The following PAX5 variants were observed in gnomAD, a reference collection of about 807,000 sequenced individuals.
The protein encoded by PAX5 is paired box 5.
In PAX5, 9 loss-of-function variants were observed where a neutral mutation model predicts 43.7. The observed-to-expected ratio is 0.21, with a 90% confidence interval of 0.12 to 0.36. PAX5 has a LOEUF of 0.36. Among genes scored for constraint, PAX5 ranks in the 10% least tolerant of loss-of-function variants. The pLI is 1.00. For missense variants in PAX5, 383 were observed against 532.7 expected, an observed-to-expected ratio of 0.72 and a Z score of 2.77; for synonymous variants, 228 against 214.3, an observed-to-expected ratio of 1.06 and a Z score of -0.56.
rs1016300110 is a variant in PAX5, at chr9:36,875,545, G to C, written c.1012+6459C>G. 3.3e-5 allele frequency among the ~76,000 whole-genome samples: 5 copies of C among 151,582 alleles called. No homozygotes were observed. The East Asian group carries it at 7.7e-4, about 23-fold the overall frequency. ...AGGGTATGTGGCAGGCAGAATTGTG[G>C]CCCCCCCCAAAAATGTCCATATCAT... is the stretch of plus-strand genomic sequence containing the variant. On this transcript the variant is annotated intron_variant, in intron 8 of 9. Transcript: ENST00000358127.
At chr9:36,924,665 A>T in intron 6 of PAX5, among the ~76,000 whole-genome samples, 1 of 149,996 alleles carries the variant, frequency 6.7e-6, no homozygotes, top group Admixed American at 6.7e-5. Flanking sequence ...GGCTGCAGTG[A>T]GCCATGATCA....
At chr9:37,025,426 G>A (rs1456894297) in intron 1 of PAX5, among the ~76,000 whole-genome samples, 1 of 152,114 alleles carries the variant, frequency 6.6e-6, no homozygotes, top group African/African-American at 2.4e-5. Flanking sequence ...TTGGGATGGG[G>A]GGGAGCGGGG....
chr9:36,923,363 A>G lies in PAX5; in HGVS notation c.902T>C (p.Ile301Thr), dbSNP rs372989600. 8.1e-5 allele frequency: 130 copies of G among 1,610,724 alleles called. 1 individual carries two copies. Among genetic ancestry groups the G allele is most frequent in the Middle Eastern group, 1.7e-4 (1 of 6,038 alleles). The change falls in exon 7 of 10, where the codon ATT becomes ACT. Residue 301 changes from isoleucine to threonine, a missense_variant. Transcript: ENST00000358127. The part of the protein sequence containing the change: ...SSVPGPQSYP[I>T]VTGRDLASTT... ...GCCCCAGGTGCCCTCACCTGTCACAATGGGGTAGGACTGCGGGCCTGGCAC... is the reference window on the plus strand; with the variant it reads ...GCCCCAGGTGCCCTCACCTGTCACAGTGGGGTAGGACTGCGGGCCTGGCAC...
At chr9:36,880,389 A>G (rs539187843) in intron 8 of PAX5, among the ~76,000 whole-genome samples, 1 of 152,272 alleles carries the variant, frequency 6.6e-6, no homozygotes, top group Non-Finnish European at 1.5e-5. Context: ...GGGGGAAGAG[A>G]CTTGGGCCTA....
chr9:36,880,755 T>C (rs1826341893), intron 8 of PAX5, among the ~76,000 whole-genome samples: 1 of 152,214 alleles, frequency 6.6e-6, no homozygotes, highest in African/African-American at 2.4e-5. Context: ...TGTTTGTTTG[T>C]TTAGTAGAGA....
intron 8 of PAX5, among the ~76,000 whole-genome samples, chr9:36,879,388 G>C (rs143563146): frequency 1.3e-5 from 2 of 152,206 alleles, no homozygotes; most frequent in African/African-American, 4.8e-5. Flanking sequence ...GTTTCCAGTG[G>C]GGGGCTGAGA....
intron 7 of PAX5, among the ~76,000 whole-genome samples, chr9:36,890,302 C>T (rs1374637403): frequency 6.6e-6 from 1 of 152,094 alleles, no homozygotes; most frequent in Non-Finnish European, 1.5e-5. Context: ...GCTTGATGGC[C>T]CGAGAGGGTC....
At position 36,965,057 on chromosome 9, in the gene PAX5, C is replaced by G. The variant is rs78047303; in HGVS notation, c.780+1492G>C. Among the ~76,000 whole-genome samples the G allele has an allele frequency of 6.5e-3, 984 of 152,162 alleles. 12 individuals are homozygous for G. Among genetic ancestry groups the G allele is most frequent in the African/African-American group, 0.022 (900 of 41,512 alleles). On this transcript the variant is annotated intron_variant, in intron 6 of 9. Transcript: ENST00000358127. ...CCTCTGCCAGGCACTTTCCCTCCAC[C>G]CCCACACCCCTTCTCCTTGCTCCAC...
chr9:36,866,073 A>C (rs16933658), intron 8 of PAX5, among the ~76,000 whole-genome samples: 20,202 of 152,222 alleles, frequency 0.13, 1,843 homozygotes, highest in African/African-American at 0.26. Context: ...AAGGTGCCTC[A>C]AATCCATTTT....
intron 7 of PAX5, among the ~76,000 whole-genome samples, chr9:36,922,518 C>T (rs926507494): frequency 3.3e-5 from 5 of 152,196 alleles, no homozygotes; most frequent in East Asian, 1.9e-4. Flanking sequence ...GGGGTCTCCC[C>T]GTCCTGGCCC....
chr9:36,874,375 T>C (rs1032846763), intron 8 of PAX5, among the ~76,000 whole-genome samples: 1 of 152,234 alleles, frequency 6.6e-6, no homozygotes, highest in Non-Finnish European at 1.5e-5. Flanking sequence ...TCTGCATGTC[T>C]GCTTGGCCTC....
intron 8 of PAX5, among the ~76,000 whole-genome samples, chr9:36,853,860 A>T (rs2131617377): frequency 6.6e-6 from 1 of 152,342 alleles, no homozygotes; most frequent in South Asian, 2.1e-4. Context: ...AAGAAAGTCA[A>T]AGTTTCCTAA....
intron 7 of PAX5, among the ~76,000 whole-genome samples, chr9:36,897,034 G>A (rs968029596): frequency 6.6e-6 from 1 of 152,228 alleles, no homozygotes; most frequent in Admixed American, 6.5e-5. Flanking sequence ...GGGCCTCAGT[G>A]TGTAGGGTTC....
At chr9:36,919,776 G>A (rs890315037) in intron 7 of PAX5, among the ~76,000 whole-genome samples, 1 of 146,486 alleles carries the variant, frequency 6.8e-6, no homozygotes, top group African/African-American at 2.6e-5. Flanking sequence ...GGAGGCAGAG[G>A]TTGCAGTGAG....
At chr9:36,854,201 C>G (rs549808930) in intron 8 of PAX5, among the ~76,000 whole-genome samples, 4 of 152,218 alleles carry the variant, frequency 2.6e-5, no homozygotes, top group Non-Finnish European at 5.9e-5. Context: ...CATGAAATGC[C>G]TGGTGGCTCA....
chr9:36,977,208 C>A (rs896729495), intron 5 of PAX5, among the ~76,000 whole-genome samples: 2 of 150,564 alleles, frequency 1.3e-5, no homozygotes, highest in East Asian at 3.9e-4. Flanking sequence ...TCACAAAAAC[C>A]CTAAGATGTC....
rs1841299257 is a variant in PAX5, at chr9:37,034,098, C to CTTTTCTTT, written c.-68_-67insAAAGAAAA. On this transcript the variant is annotated 5_prime_UTR_variant, in exon 1 of 10. Transcript: ENST00000358127. ...TCCACTTTTTTGTGCCTTTTTTTTT[C>CTTTTCTTT]TTTTTTTTTTTTTTTTTTTTTTTTT... 1 of 242,536 alleles carries CTTTTCTTT rather than the reference C, an allele frequency of 4.1e-6. No individual in the cohort carries two copies. Among genetic ancestry groups the CTTTTCTTT allele is most frequent in the Non-Finnish European group, 7.3e-6 (1 of 136,530 alleles). 15.0% of individuals were successfully genotyped at this position (242,536 alleles called of 1,614,324 possible).
At chr9:36,923,101 C>T (rs1343992945) in intron 7 of PAX5, 1 of 437,600 alleles carries the variant, frequency 2.3e-6, no homozygotes. Context: ...TTCCTGCCCC[C>T]TACCCCAAGT....
At chr9:36,999,810 C>G (rs1294118871) in intron 5 of PAX5, among the ~76,000 whole-genome samples, 1 of 152,164 alleles carries the variant, frequency 6.6e-6, no homozygotes, top group Non-Finnish European at 1.5e-5. Flanking sequence ...CTTACTTTCT[C>G]TGCTCTCCTC....
Sources: allele counts gnomAD v4.1 joint callset (sites outside exome capture counted in the v4.1 genomes callset), GRCh38; gene constraint gnomAD v4.1.1; transcripts MANE v1.5; gene names NCBI Gene and HGNC (gene_info 2026-07-23, HGNC 2026-07-21).